RGS6: variants seen among roughly 807,000 people sequenced by gnomAD.
The protein encoded by RGS6 is regulator of G-protein signaling 6.
Under a neutral mutation model 78.5 loss-of-function variants are expected in RGS6, and 30 were observed. The observed-to-expected ratio is 0.38, with a 90% CI of 0.29 to 0.52. The LOEUF (loss-of-function observed/expected upper bound fraction) is 0.52. Ranked by LOEUF, RGS6 falls within the 20% of genes least tolerant of loss-of-function variation. The probability of loss-of-function intolerance (pLI) is 0.85; values close to 1 mark genes in which losing one functional copy is unlikely to be tolerated. For missense variants in RGS6, 495 were observed against 609.7 expected (o/e 0.81, Z 1.98); for synonymous variants, 206 against 206.0 (o/e 1.00, Z 0.00).
At position 72,192,451 on chromosome 14, in the gene RGS6, T is replaced by G. The variant is rs577415511; in HGVS notation, c.85-159644T>G. 5.3e-5 allele frequency among the ~76,000 whole-genome samples: 8 copies of G among 152,322 alleles called. No homozygotes were observed. In the East Asian group the frequency reaches 1.2e-3, roughly 22 times the overall value. The stretch of plus-strand genomic sequence containing the variant: ...CTGTCACACAGCAAGAACTCAGATA[T>G]GGGTTTTACAACTCAGAAACTCATC... On this transcript the variant is annotated intron_variant, in intron 2 of 17. Coordinates refer to ENST00000553525, the MANE Select transcript of RGS6 (RefSeq NM_001204424.2).
At chr14:72,272,970 G>A (rs2060160345) in intron 2 of RGS6, among the ~76,000 whole-genome samples, 1 of 152,114 alleles carries the variant, frequency 6.6e-6, no homozygotes, top group Non-Finnish European at 1.5e-5. Flanking sequence ...CAAAAAATTA[G>A]CAGGGCGTGG....
At chr14:72,353,885 G>A (rs1382080358) in intron 3 of RGS6, among the ~76,000 whole-genome samples, 1 of 152,086 alleles carries the variant, frequency 6.6e-6, no homozygotes, top group Non-Finnish European at 1.5e-5. Flanking sequence ...TTGGGAGACT[G>A]AGGCAGGAGA....
intron 14 of RGS6, among the ~76,000 whole-genome samples, chr14:72,517,233 G>C (rs1434775692): frequency 1.3e-5 from 2 of 151,986 alleles, no homozygotes; most frequent in Non-Finnish European, 2.9e-5. Context: ...TCATGTTTCA[G>C]CTTCGCTTGT....
chr14:72,343,342 A>G (rs1197173480), intron 2 of RGS6, among the ~76,000 whole-genome samples: 1 of 152,118 alleles, frequency 6.6e-6, no homozygotes, highest in Non-Finnish European at 1.5e-5. Context: ...AAAATCAGTA[A>G]AGTCCCATCT....
chr14:72,286,099 A>G (rs921923188), intron 2 of RGS6, among the ~76,000 whole-genome samples: 5 of 152,204 alleles, frequency 3.3e-5, no homozygotes, highest in Admixed American at 6.5e-5. Context: ...GACCAATATC[A>G]TAAAGTTTTG....
intron 2 of RGS6, among the ~76,000 whole-genome samples, chr14:72,240,202 A>G (rs948641534): frequency 6.6e-6 from 1 of 152,200 alleles, no homozygotes; most frequent in Non-Finnish European, 1.5e-5. Context: ...CTTTGAATAA[A>G]TATGATTTTC....
intron 17 of RGS6, among the ~76,000 whole-genome samples, chr14:72,555,537 G>A (rs10138070): frequency 0.013 from 2,051 of 152,332 alleles, 48 homozygotes; most frequent in African/African-American, 0.047. Flanking sequence ...GCCCAGAGAG[G>A]TTGCCCAGTA....
the RGS6 span, among the ~76,000 whole-genome samples, chr14:71,919,777 T>G: frequency 6.6e-6 from 1 of 152,096 alleles, no homozygotes; most frequent in African/African-American, 2.4e-5. Flanking sequence ...GTGGATAACT[T>G]GAGGTCAGGA....
At chr14:72,402,017 G>C (rs920390734) in intron 3 of RGS6, among the ~76,000 whole-genome samples, 1 of 152,212 alleles carries the variant, frequency 6.6e-6, no homozygotes, top group Admixed American at 6.5e-5. Context: ...GGAGTAATCT[G>C]GGGGGAAGGA....
chr14:72,206,902 A>T (rs1042494580), intron 2 of RGS6, among the ~76,000 whole-genome samples: 1 of 152,180 alleles, frequency 6.6e-6, no homozygotes, highest in African/African-American at 2.4e-5. Flanking sequence ...GTTTGGAAGG[A>T]TACACACCAA....
intron 2 of RGS6, among the ~76,000 whole-genome samples, chr14:72,052,525 A>C (rs1320008507): frequency 6.6e-6 from 1 of 151,164 alleles, no homozygotes; most frequent in Non-Finnish European, 1.5e-5. Flanking sequence ...GATGGTAGAC[A>C]AGGCTTATTC....
intron 2 of RGS6, among the ~76,000 whole-genome samples, chr14:72,351,199 T>C (rs192138772): frequency 2.6e-4 from 40 of 152,310 alleles, no homozygotes; most frequent in African/African-American, 9.4e-4. Flanking sequence ...ATACTAAACA[T>C]TATTTTCTCC....
At chr14:72,267,588 A>T (rs780738711) in intron 2 of RGS6, among the ~76,000 whole-genome samples, 1 of 152,254 alleles carries the variant, frequency 6.6e-6, no homozygotes, top group Non-Finnish European at 1.5e-5. Flanking sequence ...AAGAGAACAG[A>T]AAGTATAGCT....
chr14:71,941,280 G>GT (rs1566875373), intron 1 of RGS6, among the ~76,000 whole-genome samples: 1 of 152,106 alleles, frequency 6.6e-6, no homozygotes, highest in Non-Finnish European at 1.5e-5. Flanking sequence ...TCTCTAAACA[G>GT]TTTCTGCCAA....
At chr14:72,537,561 G>T (rs779260057) in intron 16 of RGS6, 6 of 702,210 alleles carry the variant, frequency 8.5e-6, no homozygotes, top group Non-Finnish European at 1.6e-5. Context: ...GCCTCCTGTC[G>T]ATTCCCCTGC....
intron 2 of RGS6, among the ~76,000 whole-genome samples, chr14:72,029,554 A>G (rs1048574580): frequency 2.0e-5 from 3 of 152,328 alleles, no homozygotes; most frequent in Admixed American, 1.3e-4. Flanking sequence ...TCCAGCACCC[A>G]TAAGTACTTT....
In RGS6 at chr14:72,254,387, C is replaced by A. The variant is rs117388013; in HGVS notation, c.85-97708C>A. ...GTCTGCAGCACTGTTGGGGCCACGC[C>A]TCTTGTGCGATGGTTGGCTCAGACC... On this transcript the variant is annotated intron_variant, in intron 2 of 17. Coordinates refer to ENST00000553525, the MANE Select transcript of RGS6 (RefSeq NM_001204424.2). 1.6e-3 allele frequency among the ~76,000 whole-genome samples: 238 copies of A among 152,238 alleles called. 9 individuals carry two copies. In the East Asian group the frequency reaches 0.045, roughly 29 times the overall value.
intron 2 of RGS6, among the ~76,000 whole-genome samples, chr14:72,333,309 C>T (rs2075410956): frequency 6.6e-6 from 1 of 152,210 alleles, no homozygotes; most frequent in South Asian, 2.1e-4. Flanking sequence ...TTTTTAGACT[C>T]TGAACAGGCA....
intron 2 of RGS6, among the ~76,000 whole-genome samples, chr14:72,185,544 T>C (rs971045183): frequency 1.3e-5 from 2 of 152,158 alleles, no homozygotes; most frequent in African/African-American, 4.8e-5. Context: ...GTATGACAAA[T>C]GAAGGATAGA....
Sources: allele counts gnomAD v4.1 joint callset (sites outside exome capture counted in the v4.1 genomes callset), GRCh38; gene constraint gnomAD v4.1.1; transcripts MANE v1.5; gene names NCBI Gene and HGNC (gene_info 2026-07-23, HGNC 2026-07-21).